Variants in FOXP2 observed in about 807,000 individuals in gnomAD.
FOXP2 encodes the protein forkhead box P2.
FOXP2 carries 12 observed loss-of-function variants against 115.8 expected under a neutral mutation model. The observed-to-expected ratio is 0.10, with a 90% CI of 0.07 to 0.17. The LOEUF is 0.17. FOXP2 is among the 10% of genes least tolerant of loss of function. The probability of loss-of-function intolerance (pLI) is 1.00; values close to 1 mark genes in which losing one functional copy is unlikely to be tolerated. For synonymous variants in FOXP2, 328 were observed against 297.7 expected (o/e 1.10, Z -1.05); for missense variants, 629 against 843.5 (o/e 0.75, Z 3.15).
At chr7:114,410,048 A>G (rs563545574), upstream of FOXP2, among the ~76,000 whole-genome samples, 1 of 151,966 alleles carries the variant, frequency 6.6e-6, no homozygotes, top group Non-Finnish European at 1.5e-5. Context: ...ATTTCCTCTT[A>G]AAAAAATCCT....
chr7:114,155,643 A>G (rs1160132922), intron 1 of FOXP2, among the ~76,000 whole-genome samples: 1 of 152,118 alleles, frequency 6.6e-6, no homozygotes, highest in Non-Finnish European at 1.5e-5. Context: ...GTCATGTGGC[A>G]CGAAAGTATT....
At chr7:114,649,289 T>C (rs1183814364) in intron 8 of FOXP2, among the ~76,000 whole-genome samples, 2 of 152,126 alleles carry the variant, frequency 1.3e-5, no homozygotes, top group East Asian at 3.8e-4. Context: ...ACATAGGCAA[T>C]ATATCAAATG....
intron 1 of FOXP2, among the ~76,000 whole-genome samples, chr7:114,185,038 A>C (rs1793555642): frequency 6.6e-6 from 1 of 152,182 alleles, no homozygotes; most frequent in Non-Finnish European, 1.5e-5. Context: ...CTTTAAGCCT[A>C]TCTTAAACTT....
intron 2 of FOXP2, among the ~76,000 whole-genome samples, chr7:114,479,602 G>C (rs942262587): frequency 6.7e-6 from 1 of 150,190 alleles, no homozygotes; most frequent in South Asian, 2.1e-4. Flanking sequence ...GAGGGAGATT[G>C]ACTGTTATTA....
intron 5 of FOXP2, 58 bp from the exon 6 acceptor site, chr7:114,631,470 A>G (rs1804917327): frequency 1.3e-6 from 2 of 1,549,912 alleles, no homozygotes; most frequent in African/African-American, 1.4e-5. Context: ...CCTGTAAGAG[A>G]GCTGTTTGTA....
intron 3 of FOXP2, among the ~76,000 whole-genome samples, chr7:114,547,154 T>C (rs1446575078): frequency 1.3e-5 from 2 of 152,232 alleles, no homozygotes; most frequent in Non-Finnish European, 2.9e-5. Flanking sequence ...GGCAGGCTCT[T>C]TATGAAATAC....
At chr7:114,279,719 G>T (rs1796280115) in intron 1 of FOXP2, among the ~76,000 whole-genome samples, 1 of 151,640 alleles carries the variant, frequency 6.6e-6, no homozygotes, top group Non-Finnish European at 1.5e-5. Context: ...CCAGTGAATT[G>T]TTTTGATGAT....
chr7:114,173,021 A>G (rs916092816), intron 1 of FOXP2, among the ~76,000 whole-genome samples: 7 of 152,006 alleles, frequency 4.6e-5, no homozygotes, highest in Admixed American at 2.6e-4. Context: ...TGTCTTTAAT[A>G]TAGATGTTTC....
intron 1 of FOXP2, among the ~76,000 whole-genome samples, chr7:114,130,590 T>A (rs556258428): frequency 6.6e-6 from 1 of 152,208 alleles, no homozygotes; most frequent in Admixed American, 6.5e-5. Flanking sequence ...GATATGAAAA[T>A]GTAACTTAGA....
chr7:114,686,475 T>C (rs1475621558), intron 16 of FOXP2, among the ~76,000 whole-genome samples: 1 of 152,190 alleles, frequency 6.6e-6, no homozygotes, highest in Non-Finnish European at 1.5e-5. Flanking sequence ...GCCTGGCCAA[T>C]ACTTAAGTCT....
At chr7:114,360,333 G>T (rs1451821402) in intron 2 of FOXP2, among the ~76,000 whole-genome samples, 1 of 152,052 alleles carries the variant, frequency 6.6e-6, no homozygotes, top group Non-Finnish European at 1.5e-5. Context: ...CTTCATAGCA[G>T]TAAGAAAATG....
intron 2 of FOXP2, among the ~76,000 whole-genome samples, chr7:114,333,501 C>T (rs1797764798): frequency 6.6e-6 from 1 of 152,194 alleles, no homozygotes; most frequent in Admixed American, 6.5e-5. Context: ...GCCTGTAATC[C>T]CAGCACATCG....
chr7:114,348,422 C>G (rs1338391306), intron 2 of FOXP2, among the ~76,000 whole-genome samples: 1 of 151,910 alleles, frequency 6.6e-6, no homozygotes, highest in Non-Finnish European at 1.5e-5. Context: ...CTCTTGTTGT[C>G]TACTTTGTTC....
At chr7:114,400,875 T>C (rs374941470) in intron 2 of FOXP2, among the ~76,000 whole-genome samples, 23 of 151,756 alleles carry the variant, frequency 1.5e-4, no homozygotes, top group African/African-American at 5.6e-4. Flanking sequence ...GGTCTTGCAG[T>C]AGGGGAGCAA....
chr7:114,656,725 A>G (rs745554378), intron 10 of FOXP2: 27 of 208,152 alleles, frequency 1.3e-4, no homozygotes, highest in Non-Finnish European at 2.2e-4. Context: ...TAGACTGCTA[A>G]TGTGCTTCTT....
chr7:114,571,282 T>C (rs759009457), intron 3 of FOXP2, among the ~76,000 whole-genome samples: 2 of 151,936 alleles, frequency 1.3e-5, no homozygotes, highest in African/African-American at 2.4e-5. Flanking sequence ...CAAGTTGTCA[T>C]ATAAATATAC....
At chr7:114,553,360 A>G (rs1462274504) in intron 3 of FOXP2, among the ~76,000 whole-genome samples, 1 of 152,204 alleles carries the variant, frequency 6.6e-6, no homozygotes, top group Non-Finnish European at 1.5e-5. Context: ...TTTTTCACAT[A>G]CTATCTGAGC....
At chr7:114,352,642 T>C (rs187370600) in intron 2 of FOXP2, among the ~76,000 whole-genome samples, 2 of 152,166 alleles carry the variant, frequency 1.3e-5, no homozygotes, top group Admixed American at 1.3e-4. Flanking sequence ...CCTTAGCTTG[T>C]AGTGTGTTTT....
At chr7:114,164,432 C>T (rs747991708) in intron 1 of FOXP2, among the ~76,000 whole-genome samples, 5 of 151,732 alleles carry the variant, frequency 3.3e-5, no homozygotes, top group African/African-American at 4.8e-5. Context: ...GCAACCTCCC[C>T]CTCCTGGATT....
Sources: gnomAD v4.1 joint callset for allele counts (sites outside exome capture counted in the v4.1 genomes callset) on GRCh38, gnomAD v4.1.1 for gene constraint, MANE v1.5 for transcripts, NCBI Gene and HGNC (gene_info 2026-07-23, HGNC 2026-07-21) for gene names.